The following TP63 variants were observed in gnomAD, a reference collection of about 807,000 sequenced individuals.
TP63 encodes the protein tumor protein 63.
In TP63, 17 loss-of-function variants were observed where a neutral mutation model predicts 82.8. The observed-to-expected ratio is 0.21, with a 90% CI of 0.14 to 0.31. The LOEUF is 0.31. TP63 is among the 10% of genes least tolerant of loss of function. The pLI is 1.00. For missense variants in TP63, 648 were observed against 895.3 expected (o/e 0.72, Z 3.52); for synonymous variants, 330 against 321.7 (o/e 1.03, Z -0.28).
the TP63 span, among the ~76,000 whole-genome samples, chr3:189,618,687 C>A: frequency 6.6e-6 from 1 of 152,160 alleles, no homozygotes; most frequent in Non-Finnish European, 1.5e-5. Flanking sequence ...GATCCTGTTA[C>A]CCTTCCAACT....
At chr3:189,602,969 C>T in the TP63 span, among the ~76,000 whole-genome samples, 1 of 152,112 alleles carries the variant, frequency 6.6e-6, no homozygotes, top group African/African-American at 2.4e-5. Flanking sequence ...AACTTTTAGA[C>T]TTATAAATTC....
chr3:189,665,217 G>T (rs1347177666), intron 1 of TP63, among the ~76,000 whole-genome samples: 4 of 152,146 alleles, frequency 2.6e-5, no homozygotes, highest in African/African-American at 9.6e-5. Flanking sequence ...CTTAAAATTG[G>T]CCATGTTGGG....
chr3:189,620,403 G>A, the TP63 span, among the ~76,000 whole-genome samples: 61 of 151,834 alleles, frequency 4.0e-4, no homozygotes, highest in Admixed American at 2.4e-3. Context: ...CCAGCTTCTC[G>A]GGAGGCTGAG....
At chr3:189,742,737 A>G (rs2108509433) in intron 3 of TP63, among the ~76,000 whole-genome samples, 1 of 152,354 alleles carries the variant, frequency 6.6e-6, no homozygotes, top group Non-Finnish European at 1.5e-5. Flanking sequence ...ACAGACCATG[A>G]TATCCTTGAG....
At chr3:189,600,954 GAA>G in the TP63 span, among the ~76,000 whole-genome samples, 24 of 152,240 alleles carry the variant, frequency 1.6e-4, no homozygotes, top group Admixed American at 6.5e-4. Context: ...GCTATATAGA[GAA>G]ACTAATTGAA....
At chr3:189,770,296 G>C (rs1681202479) in intron 3 of TP63, among the ~76,000 whole-genome samples, 1 of 151,980 alleles carries the variant, frequency 6.6e-6, no homozygotes, top group Non-Finnish European at 1.5e-5. Flanking sequence ...AAATTATTTT[G>C]GGCCGGGTAT....
intron 1 of TP63, among the ~76,000 whole-genome samples, chr3:189,641,329 C>T (rs1434065808): frequency 6.6e-6 from 1 of 152,006 alleles, no homozygotes; most frequent in Non-Finnish European, 1.5e-5. Context: ...CTTCGAAGCT[C>T]AGGTAGAAAT....
chr3:189,700,034 T>A (rs1327478075), intron 1 of TP63, among the ~76,000 whole-genome samples: 1 of 152,190 alleles, frequency 6.6e-6, no homozygotes, highest in Non-Finnish European at 1.5e-5. Flanking sequence ...CAGTGCTGAG[T>A]GGGTAAATCC....
intron 1 of TP63, among the ~76,000 whole-genome samples, chr3:189,719,418 C>T (rs192115547): frequency 2.6e-5 from 4 of 152,126 alleles, no homozygotes; most frequent in East Asian, 1.9e-4. Context: ...TTTTTGCATC[C>T]GATGTATCAG....
chr3:189,681,662 C>T (rs1195359706), intron 1 of TP63, among the ~76,000 whole-genome samples: 1 of 152,156 alleles, frequency 6.6e-6, no homozygotes. Flanking sequence ...TGACTTTGAA[C>T]TCTACTGGTT....
chr3:189,877,426 G>A (rs6806662), intron 10 of TP63, among the ~76,000 whole-genome samples: 58,504 of 151,954 alleles, frequency 0.39, 12,512 homozygotes, highest in African/African-American at 0.58. Context: ...TCATTTGTTA[G>A]TTGTTTTCCC....
At chr3:189,626,090 TG>T in the TP63 span, among the ~76,000 whole-genome samples, 1 of 152,180 alleles carries the variant, frequency 6.6e-6, no homozygotes, top group African/African-American at 2.4e-5. Context: ...GCAATGCACT[TG>T]CTTTTTCATT....
At chr3:189,785,340 C>T (rs537086736) in intron 3 of TP63, among the ~76,000 whole-genome samples, 48 of 152,026 alleles carry the variant, frequency 3.2e-4, no homozygotes, top group African/African-American at 9.6e-4. Flanking sequence ...TGATACTCAC[C>T]GAGCTTTTGG....
chr3:189,727,402 C>A (rs1485848917), intron 1 of TP63, among the ~76,000 whole-genome samples: 1 of 152,136 alleles, frequency 6.6e-6, no homozygotes, highest in African/African-American at 2.4e-5. Context: ...TTAAATCACT[C>A]ATTCAGCAAT....
At chr3:189,750,316 G>A (rs2108520678) in intron 3 of TP63, among the ~76,000 whole-genome samples, 1 of 152,180 alleles carries the variant, frequency 6.6e-6, no homozygotes, top group Non-Finnish European at 1.5e-5. Flanking sequence ...GGCTGGGTAG[G>A]ATGTGTTGTT....
intron 1 of TP63, among the ~76,000 whole-genome samples, chr3:189,694,557 T>C (rs1164243169): frequency 6.6e-6 from 1 of 152,076 alleles, no homozygotes; most frequent in Non-Finnish European, 1.5e-5. Flanking sequence ...GACTTTGCAT[T>C]TTTTAATGAT....
chr3:189,861,678 A>G (rs1379060736), intron 4 of TP63, among the ~76,000 whole-genome samples: 1 of 152,194 alleles, frequency 6.6e-6, no homozygotes, highest in East Asian at 1.9e-4. Context: ...TGTTAAATAG[A>G]CCACTTTTGA....
intron 1 of TP63, among the ~76,000 whole-genome samples, chr3:189,657,565 C>T (rs1713493264): frequency 6.6e-6 from 1 of 151,974 alleles, no homozygotes; most frequent in Non-Finnish European, 1.5e-5. Flanking sequence ...TACAATTTAA[C>T]AATATTGCAA....
intron 3 of TP63, among the ~76,000 whole-genome samples, chr3:189,782,988 G>T (rs1724340325): frequency 6.6e-6 from 1 of 151,928 alleles, no homozygotes; most frequent in East Asian, 1.9e-4. Context: ...TATCTATCAG[G>T]CTTTAAAATA....
Sources: allele counts gnomAD v4.1 joint callset (sites outside exome capture counted in the v4.1 genomes callset), GRCh38; gene constraint gnomAD v4.1.1; transcripts MANE v1.5; gene names NCBI Gene and HGNC (gene_info 2026-07-23, HGNC 2026-07-21).